Variants in CDK14 observed in about 807,000 individuals in gnomAD.
The protein encoded by CDK14 is cyclin dependent kinase 14.
CDK14 carries 34 observed loss-of-function variants against 60.7 expected under a neutral mutation model. The observed-to-expected ratio is 0.56, with a 90% CI of 0.43 to 0.75. The LOEUF is 0.75. Ranked by LOEUF, CDK14 falls within the 30% of genes least tolerant of loss-of-function variation. The pLI, the probability that CDK14 is intolerant of heterozygous loss-of-function variation, is 0.00. For synonymous variants in CDK14, 197 were observed against 203.7 expected, an observed-to-expected ratio of 0.97 and a Z score of 0.28; for missense variants, 482 against 564.1, an observed-to-expected ratio of 0.85 and a Z score of 1.47.
intron 6 of CDK14, among the ~76,000 whole-genome samples, chr7:90,893,949 C>T (rs1274234564): frequency 2.6e-5 from 4 of 152,168 alleles, no homozygotes. Context: ...AATGTCTGGG[C>T]ATGCACATAG....
intron 2 of CDK14, among the ~76,000 whole-genome samples, chr7:90,689,844 C>T (rs1396769439): frequency 6.6e-6 from 1 of 151,776 alleles, no homozygotes. Context: ...AATTGTTTGC[C>T]GAATAGATGA....
At chr7:90,916,076 A>G (rs1793070048) in intron 7 of CDK14, among the ~76,000 whole-genome samples, 1 of 152,132 alleles carries the variant, frequency 6.6e-6, no homozygotes, top group East Asian at 1.9e-4. Context: ...TCGTTTTTTT[A>G]AAAGGCTTTG....
At chr7:91,018,259 C>T (rs183417571) in intron 10 of CDK14, among the ~76,000 whole-genome samples, 3 of 152,288 alleles carry the variant, frequency 2.0e-5, no homozygotes, top group Admixed American at 2.0e-4. Flanking sequence ...TGTCCTCATA[C>T]AATGAACTTC....
chr7:91,036,462 AT>A lies in CDK14; in HGVS notation c.1042-9427del, dbSNP rs200224370. ...AATTCACAAGTCCACTTAGATGTGG[AT>A]TTTTTTTCAATTAAAGTTATACCAA... is the stretch of plus-strand genomic sequence containing the variant. On this transcript the variant is annotated intron_variant, in intron 10 of 14. Transcript: ENST00000380050. Among the ~76,000 whole-genome samples the A allele has an allele frequency of 8.7e-3, 1,318 of 151,970 alleles. 18 individuals carry two copies. Among genetic ancestry groups the A allele is most frequent in the African/African-American group, 0.029 (1,209 of 41,446 alleles).
At chr7:90,698,380 G>A (rs1221682740) in intron 2 of CDK14, among the ~76,000 whole-genome samples, 1 of 152,064 alleles carries the variant, frequency 6.6e-6, no homozygotes, top group Non-Finnish European at 1.5e-5. Context: ...CCACAAAGAG[G>A]GAAAATACTT....
At chr7:91,078,512 C>G (rs1798387334) in intron 11 of CDK14, among the ~76,000 whole-genome samples, 2 of 152,022 alleles carry the variant, frequency 1.3e-5, no homozygotes, top group Non-Finnish European at 2.9e-5. Flanking sequence ...GAGGCTGAGG[C>G]AGGAGAATCG....
chr7:91,193,659 A>G lies in CDK14; in HGVS notation c.*29-13506A>G, dbSNP rs575164239. On this transcript the variant is annotated intron_variant, in intron 14 of 14. Coordinates refer to ENST00000380050, the MANE Select transcript of CDK14 (RefSeq NM_001287135.2). ...GGCATTTTTAAGCACATAAAAGTAA[A>G]TCTACATATGTTTGAATTTCAACTA... 3.6e-3 allele frequency among the ~76,000 whole-genome samples: 545 copies of G among 152,296 alleles called. 7 individuals are homozygous for G. The highest frequency in any genetic ancestry group is 0.012 in the African/African-American group (518 of 41,558).
At position 90,602,622 on chromosome 7, in the gene CDK14, A is replaced by G. The variant is rs186099539; in HGVS notation, c.92-1596A>G. Among the ~76,000 whole-genome samples, 4 of 152,372 alleles carry G rather than the reference A, an allele frequency of 2.6e-5. No homozygotes were observed. In the East Asian group the frequency reaches 7.7e-4, roughly 29 times the overall value. ...GCTAGGATCTTAATATGGTTCTATC[A>G]AAACAGATTATTTTAGATTTAATGT... On this transcript the variant is annotated intron_variant, in intron 1 of 14. Coordinates refer to ENST00000380050, the MANE Select transcript of CDK14 (RefSeq NM_001287135.2).
chr7:90,694,358 G>T (rs1801614818), intron 2 of CDK14, among the ~76,000 whole-genome samples: 1 of 152,136 alleles, frequency 6.6e-6, no homozygotes, highest in Non-Finnish European at 1.5e-5. Context: ...AACTTGAATT[G>T]AATGTCGTTT....
chr7:90,854,300 G>A (rs1790747832), intron 5 of CDK14, among the ~76,000 whole-genome samples: 1 of 152,182 alleles, frequency 6.6e-6, no homozygotes, highest in Non-Finnish European at 1.5e-5. Context: ...AATCACTTGA[G>A]TGCGGGAATT....
chr7:90,836,201 A>T (rs1368653679), intron 5 of CDK14, among the ~76,000 whole-genome samples: 1 of 152,122 alleles, frequency 6.6e-6, no homozygotes, highest in African/African-American at 2.4e-5. Context: ...CTTACCATTA[A>T]TTTTTTTACT....
chr7:90,877,104 A>T (rs2117269031), intron 6 of CDK14, among the ~76,000 whole-genome samples: 1 of 152,326 alleles, frequency 6.6e-6, no homozygotes, highest in East Asian at 1.9e-4. Context: ...GTATAGATAC[A>T]TATTCATACA....
At chr7:90,872,675 C>T (rs934003363) in intron 6 of CDK14, among the ~76,000 whole-genome samples, 10 of 141,960 alleles carry the variant, frequency 7.0e-5, no homozygotes, top group African/African-American at 2.6e-4. Flanking sequence ...CTGTTTACAT[C>T]ATATCTATCA....
intron 5 of CDK14, among the ~76,000 whole-genome samples, chr7:90,793,937 T>G (rs962156120): frequency 1.3e-5 from 2 of 152,132 alleles, no homozygotes; most frequent in African/African-American, 2.4e-5. Context: ...TCTAATACAA[T>G]AAACAATTGT....
At chr7:91,091,326 C>G in intron 12 of CDK14, among the ~76,000 whole-genome samples, 1 of 141,086 alleles carries the variant, frequency 7.1e-6, no homozygotes, top group South Asian at 2.2e-4. Flanking sequence ...TATGTATACA[C>G]ATATGTGTAT....
At chr7:90,951,175 C>T (rs1465022153) in intron 8 of CDK14, among the ~76,000 whole-genome samples, 1 of 152,094 alleles carries the variant, frequency 6.6e-6, no homozygotes, top group Non-Finnish European at 1.5e-5. Flanking sequence ...AAATATTATC[C>T]AAGCATTTTA....
At chr7:90,892,206 G>T (rs942772614) in intron 6 of CDK14, among the ~76,000 whole-genome samples, 16 of 152,148 alleles carry the variant, frequency 1.1e-4, no homozygotes, top group African/African-American at 3.6e-4. Context: ...ATGGAGAGAG[G>T]AAAATATGCA....
intron 3 of CDK14, among the ~76,000 whole-genome samples, 172 bp downstream of exon 3, chr7:90,726,984 ATT>A (rs1311081733): frequency 1.3e-5 from 2 of 152,138 alleles, no homozygotes; most frequent in Non-Finnish European, 2.9e-5. Context: ...TGGACTCCTT[ATT>A]TATAAGCACT....
chr7:90,605,208 T>G (rs1417960856), intron 2 of CDK14, among the ~76,000 whole-genome samples: 1 of 152,336 alleles, frequency 6.6e-6, no homozygotes, highest in East Asian at 1.9e-4. Flanking sequence ...TGGCTGGCTG[T>G]GGTGCATGGC....
Sources: allele counts gnomAD v4.1 joint callset (sites outside exome capture counted in the v4.1 genomes callset), GRCh38; gene constraint gnomAD v4.1.1; transcripts MANE v1.5; gene names NCBI Gene and HGNC (gene_info 2026-07-23, HGNC 2026-07-21).